Variants in DYNC2I2 observed in about 807,000 individuals in gnomAD.
DYNC2I2 encodes the protein dynein 2 intermediate chain 2.
Under a neutral mutation model 52.0 loss-of-function variants are expected in DYNC2I2, and 39 were observed. That is an observed-to-expected ratio of 0.75 (90% CI 0.58 to 0.98). DYNC2I2 has a LOEUF of 0.98. Ranked by LOEUF, DYNC2I2 falls within the 50% of genes least tolerant of loss-of-function variation. DYNC2I2 has a pLI of 0.00. For synonymous variants in DYNC2I2, 359 were observed against 321.1 expected, an observed-to-expected ratio of 1.12 and a Z score of -1.26; for missense variants, 743 against 728.4, an observed-to-expected ratio of 1.02 and a Z score of -0.23.
At chr9:128,656,429 G>C (rs535214798) in intron 1 of DYNC2I2, 112 bp downstream of exon 1, 17 of 899,884 alleles carry the variant, frequency 1.9e-5, no homozygotes, top group African/African-American at 7.6e-5. Flanking sequence ...AGCCACGGTG[G>C]GACGCCCGAA....
At chr9:128,636,215 GTGCCCTC>G in intron 4 of DYNC2I2, 59 bp downstream of exon 4, 1 of 1,547,580 alleles carries the variant, frequency 6.5e-7, no homozygotes, top group Admixed American at 2.0e-5. Context: ...AAGCTCCCTT[GTGCCCTC>G]TGCAGGGCGG....
chr9:128,636,305 G>C lies in DYNC2I2; in HGVS notation c.679C>G (p.Pro227Ala), dbSNP rs1263852385. 1.9e-6 allele frequency: 3 copies of C among 1,583,388 alleles called. No homozygotes were observed. Among genetic ancestry groups the C allele is most frequent in the Non-Finnish European group, 1.7e-6 (2 of 1,165,438 alleles). The change falls in exon 4 of 9, where the codon CCC (proline) becomes GCC (alanine). Residue 227 changes from proline to alanine, a missense_variant. Coordinates refer to ENST00000372715, the MANE Select transcript of DYNC2I2 (RefSeq NM_052844.4). ...PSAVLCLAFH[P>A]TQPSHVAGGL... Reference sequence around the variant, plus strand: ...CCTGCGACGTGGGAGGGCTGCGTGGGGTGGAAGGCCAGACACAGGACAGCG... The same window carrying C: ...CCTGCGACGTGGGAGGGCTGCGTGGCGTGGAAGGCCAGACACAGGACAGCG...
chr9:128,682,103 GGCT>G, the DYNC2I2 span, among the ~76,000 whole-genome samples: 1 of 151,134 alleles, frequency 6.6e-6, no homozygotes, highest in African/African-American at 2.4e-5. Context: ...CTGTCGCTCA[GGCT>G]GGCGCAATCT....
At chr9:128,676,557 A>C in the DYNC2I2 span, among the ~76,000 whole-genome samples, 1 of 142,366 alleles carries the variant, frequency 7.0e-6, no homozygotes, top group Non-Finnish European at 1.5e-5. Flanking sequence ...TTTGAGGCGG[A>C]GTCTTGCTCT....
At chr9:128,680,558 T>A in the DYNC2I2 span, among the ~76,000 whole-genome samples, 1 of 151,080 alleles carries the variant, frequency 6.6e-6, no homozygotes, top group Non-Finnish European at 1.5e-5. Context: ...TTTGTATTTT[T>A]AGTAGAGACG....
chr9:128,634,221 C>T lies in DYNC2I2; in HGVS notation c.1372+5G>A. 6.2e-6 allele frequency: 10 copies of T among 1,613,576 alleles called. No individual in the cohort carries two copies. The highest frequency in any genetic ancestry group is 8.5e-6 in the Non-Finnish European group (10 of 1,179,964). ...ACAGATCCAGGCCTAGCGGCCCCTT[C>T]CTACCTTTCCCAGAGGCAGCTGCAA... On this transcript the variant is annotated splice_donor_5th_base_variant and intron_variant, in intron 8 of 8. Coordinates refer to ENST00000372715, the MANE Select transcript of DYNC2I2 (RefSeq NM_052844.4).
the DYNC2I2 span, among the ~76,000 whole-genome samples, chr9:128,673,242 T>G: frequency 6.6e-6 from 1 of 152,128 alleles, no homozygotes; most frequent in Non-Finnish European, 1.5e-5. Flanking sequence ...TAATGCAAGA[T>G]TAAAAAATAC....
At chr9:128,671,950 G>A in the DYNC2I2 span, among the ~76,000 whole-genome samples, 5 of 142,550 alleles carry the variant, frequency 3.5e-5, no homozygotes, top group Admixed American at 3.6e-4. Context: ...ACCGCGCCCG[G>A]CCTAATTTTT....
chr9:128,681,237 C>T, the DYNC2I2 span, among the ~76,000 whole-genome samples: 4 of 152,018 alleles, frequency 2.6e-5, no homozygotes, highest in South Asian at 4.2e-4. Context: ...ACTACAGGTG[C>T]GTGCCACCAC....
the DYNC2I2 span, among the ~76,000 whole-genome samples, chr9:128,670,591 C>A: frequency 1.3e-5 from 2 of 151,544 alleles, no homozygotes; most frequent in Admixed American, 6.6e-5. Flanking sequence ...CAAAAATTAG[C>A]TGGGTGTGGT....
the DYNC2I2 span, among the ~76,000 whole-genome samples, chr9:128,678,063 T>C: frequency 2.0e-5 from 3 of 150,452 alleles, no homozygotes; most frequent in Non-Finnish European, 4.4e-5. Flanking sequence ...TGCAGTTTTC[T>C]TTTCTTTTCT....
chr9:128,656,729 A>C lies in DYNC2I2; in HGVS notation c.-3T>G. ...CCCGGCTGCGCGCGGGTTGCCATGG[A>C]GACGGTTCCGCCCTCTCGTGCGGAC... On this transcript the variant is annotated 5_prime_UTR_variant, in exon 1 of 9. Transcript: ENST00000372715. The C allele has an allele frequency of 7.1e-7, 1 of 1,404,374 alleles. No homozygotes were observed. The highest frequency in any genetic ancestry group is 1.6e-5 in the South Asian group (1 of 62,426). 87.0% of individuals were successfully genotyped at this position (1,404,374 alleles called of 1,614,324 possible).
chr9:128,647,262 T>C (rs1860632373), intron 1 of DYNC2I2, among the ~76,000 whole-genome samples: 1 of 152,216 alleles, frequency 6.6e-6, no homozygotes, highest in African/African-American at 2.4e-5. Context: ...CCCAAGTCCA[T>C]ACCCCGCCAC....
chr9:128,636,518 C>G, intron 3 of DYNC2I2, 80 bp from the exon 4 acceptor site: 3 of 1,486,826 alleles, frequency 2.0e-6, no homozygotes, highest in Non-Finnish European at 2.7e-6. Context: ...CCCACTAGCC[C>G]CGGACACACT....
At chr9:128,672,918 G>A in the DYNC2I2 span, among the ~76,000 whole-genome samples, 2 of 152,146 alleles carry the variant, frequency 1.3e-5, no homozygotes, top group Non-Finnish European at 1.5e-5. Context: ...CAGCTACTAG[G>A]GAGGCTGAGG....
chr9:128,643,274 C>A (rs1260210323), intron 1 of DYNC2I2, among the ~76,000 whole-genome samples: 1 of 152,050 alleles, frequency 6.6e-6, no homozygotes, highest in Admixed American at 6.6e-5. Context: ...TGCCTGTAAT[C>A]CCAGCACTCT....
At chr9:128,647,545 C>T (rs1256443527) in intron 1 of DYNC2I2, among the ~76,000 whole-genome samples, 2 of 152,000 alleles carry the variant, frequency 1.3e-5, no homozygotes, top group Non-Finnish European at 1.5e-5. Context: ...ACCATCCTGG[C>T]CAACATGGTA....
At chr9:128,665,000 C>T in the DYNC2I2 span, among the ~76,000 whole-genome samples, 1 of 151,050 alleles carries the variant, frequency 6.6e-6, no homozygotes, top group Non-Finnish European at 1.5e-5. Context: ...AAATATAACA[C>T]ATAAACAGTT....
intron 1 of DYNC2I2, among the ~76,000 whole-genome samples, chr9:128,645,684 C>G (rs975054017): frequency 2.1e-5 from 3 of 141,706 alleles, no homozygotes; most frequent in Non-Finnish European, 4.5e-5. Flanking sequence ...TCTAAATGTT[C>G]AAGGGAAAGG....
Sources: gnomAD v4.1 joint callset for allele counts (sites outside exome capture counted in the v4.1 genomes callset) on GRCh38, gnomAD v4.1.1 for gene constraint, MANE v1.5 for transcripts, NCBI Gene and HGNC (gene_info 2026-07-23, HGNC 2026-07-21) for gene names.